KNDC1: variants seen among roughly 807,000 people sequenced by gnomAD.
KNDC1 encodes the protein kinase non-catalytic C-lobe domain containing 1, also known as kinase non-catalytic C-lobe domain-containing protein 1.
In KNDC1, 106 loss-of-function variants were observed where a neutral mutation model predicts 172.8. The ratio of observed to expected loss-of-function variants is 0.61; its 90% CI spans 0.52 to 0.72. The LOEUF is 0.72. Ranked by LOEUF, KNDC1 falls within the 30% of genes least tolerant of loss-of-function variation. The probability of loss-of-function intolerance (pLI) is 0.00; values close to 1 mark genes in which losing one functional copy is unlikely to be tolerated. For missense variants in KNDC1, 2,325 were observed against 2,394.5 expected (o/e 0.97, Z 0.61); for synonymous variants, 1,083 against 1,062.2 (o/e 1.02, Z -0.38).
chr10:133,191,920 A>T (rs1564887280), intron 9 of KNDC1, among the ~76,000 whole-genome samples: 1 of 152,210 alleles, frequency 6.6e-6, no homozygotes, highest in Non-Finnish European at 1.5e-5. Context: ...GGCCTCAAAG[A>T]AAGTGAGCAG....
At chr10:133,186,725 C>A in intron 6 of KNDC1, 51 bp downstream of exon 6, 3 of 1,347,202 alleles carry the variant, frequency 2.2e-6, no homozygotes, top group Non-Finnish European at 3.0e-6. Flanking sequence ...GTCAGTGAGT[C>A]CGGGGCCGGG....
In KNDC1 at chr10:133,179,621, G is replaced by A. The variant is rs191884960; in HGVS notation, c.361-3723G>A. Among the ~76,000 whole-genome samples the A allele has an allele frequency of 1.1e-4, 16 of 152,284 alleles. No individual in the cohort carries two copies. The East Asian group carries it at 3.1e-3, about 30-fold the overall frequency. On this transcript the variant is annotated intron_variant, in intron 3 of 29. Transcript: ENST00000304613. ...ACTGAAAACCACTTGGCTTGACCGCGTTTGCTCAGGAATCGCATCTCGTGG... is the reference window on the plus strand; with the variant it reads ...ACTGAAAACCACTTGGCTTGACCGCATTTGCTCAGGAATCGCATCTCGTGG...
At position 133,192,110 on chromosome 10, in the gene KNDC1, A is replaced by G. The variant is rs1589755009; in HGVS notation, c.1575+2297A>G. Among the ~76,000 whole-genome samples the G allele has an allele frequency of 2.0e-5, 3 of 152,376 alleles. No individual in the cohort carries two copies. The South Asian group carries it at 6.2e-4, about 32-fold the overall frequency. On this transcript the variant is annotated intron_variant, in intron 9 of 29. Transcript: ENST00000304613. ...AATCCGCAGAGTCAATGCTATTGTTATCAAACTACCAATGTCATTTTTCAC... is the reference window on the plus strand; with the variant it reads ...AATCCGCAGAGTCAATGCTATTGTTGTCAAACTACCAATGTCATTTTTCAC...
At position 133,200,432 on chromosome 10, in the gene KNDC1, C is replaced by T; in HGVS notation, c.2961C>T (p.Ser987=). 1 of 1,595,018 alleles carries T rather than the reference C, an allele frequency of 6.3e-7. No individual in the cohort carries two copies. Among genetic ancestry groups the T allele is most frequent in the Non-Finnish European group, 8.5e-7 (1 of 1,171,994 alleles). The change falls in exon 16 of 30, where the codon TCC becomes TCT. Residue 987 remains serine, a synonymous_variant. Coordinates refer to ENST00000304613, the MANE Select transcript of KNDC1 (RefSeq NM_152643.8). ...GCAGCCAAAGCCCCCGCTCCCCGTC[C>T]AGCAAGAGGCCGTCGCTGCACCGCC... ...LEGSQSPRSP[S]SKRPSLHRLG... is the part of the protein sequence containing the mutation.
At chr10:133,201,107 G>T (rs900254867) in intron 16 of KNDC1, among the ~76,000 whole-genome samples, 2 of 152,232 alleles carry the variant, frequency 1.3e-5, no homozygotes, top group East Asian at 1.9e-4. Context: ...GGAAGCTCCC[G>T]CAGGGACAGA....
At chr10:133,184,404 G>A (rs61860631) in intron 5 of KNDC1, among the ~76,000 whole-genome samples, 2 of 103,000 alleles carry the variant, frequency 1.9e-5, no homozygotes, top group Non-Finnish European at 4.2e-5. Flanking sequence ...ACGCACACAC[G>A]CACACACCCA....
chr10:133,189,068 G>A (rs961035767), intron 7 of KNDC1, among the ~76,000 whole-genome samples: 3 of 152,186 alleles, frequency 2.0e-5, no homozygotes, highest in Non-Finnish European at 4.4e-5. Context: ...CTTTGGAGTG[G>A]GGAGGGAATC....
chr10:133,209,963 A>G lies in KNDC1; in HGVS notation c.3795-648A>G, dbSNP rs1845323142. Among the ~76,000 whole-genome samples the G allele has an allele frequency of 6.6e-6, 1 of 152,086 alleles. No homozygotes were observed. Among genetic ancestry groups the G allele is most frequent in the South Asian group, 2.1e-4 (1 of 4,826 alleles). On this transcript the variant is annotated intron_variant, in intron 20 of 29. Coordinates refer to ENST00000304613, the MANE Select transcript of KNDC1 (RefSeq NM_152643.8). The surrounding 1 kb of genome is among the most constrained non-coding windows in gnomAD (Gnocchi z 4.9). ...GAGGGTGGCGCGGTTTCACCCAGTG[A>G]AGACCCAGAACCTTTGAGCGTGCAG... is the stretch of plus-strand genomic sequence containing the variant.
intron 3 of KNDC1, among the ~76,000 whole-genome samples, chr10:133,172,030 CAAAG>C (rs1853391801): frequency 1.3e-5 from 2 of 152,192 alleles, no homozygotes; most frequent in South Asian, 4.1e-4. Context: ...CAATCACTGA[CAAAG>C]AAACAAGTGT....
At chr10:133,200,702 G>A (rs1000411933) in intron 16 of KNDC1, among the ~76,000 whole-genome samples, 8 of 152,108 alleles carry the variant, frequency 5.3e-5, no homozygotes, top group African/African-American at 1.7e-4. Context: ...CCAGCCAAAG[G>A]CCGTCCTCTT....
intron 26 of KNDC1, among the ~76,000 whole-genome samples, chr10:133,217,996 GCTGCACCGAGCCGAGATCGCGCCA>G (rs1845502528): frequency 6.6e-6 from 1 of 151,382 alleles, no homozygotes; most frequent in Non-Finnish European, 1.5e-5. Context: ...GGAGGTGGAG[GCTGCACCGAGCCGAGATCGCGCCA>G]CTGCACTCCA....
chr10:133,186,274 C>T lies in KNDC1; in HGVS notation c.926C>T (p.Pro309Leu). Residue 309 changes from proline (P) to leucine (L), a missense_variant, in exon 6 of 30, where the codon CCT becomes CTT. Pro to Leu is a moderately conservative substitution (Grantham distance 98). Coordinates refer to ENST00000304613, the MANE Select transcript of KNDC1 (RefSeq NM_152643.8). Reference sequence around the variant, plus strand: ...CGCCTGCGGAAGGTGCAGACGTTCCCTAGGCTGCTGTCCGACAGCCCCGAG... The same window carrying T: ...CGCCTGCGGAAGGTGCAGACGTTCCTTAGGCTGCTGTCCGACAGCCCCGAG... ...RSRLRKVQTF[P>L]RLLSDSPEAT... 6.2e-7 allele frequency: 1 copy of T among 1,609,742 alleles called. No homozygotes were observed. The highest frequency in any genetic ancestry group is 8.5e-7 in the Non-Finnish European group (1 of 1,178,762).
At chr10:133,219,874 G>T (rs1171823432) in intron 28 of KNDC1, 81 bp from the exon 29 acceptor site, 1 of 1,390,746 alleles carries the variant, frequency 7.2e-7, no homozygotes, top group Non-Finnish European at 9.6e-7. Flanking sequence ...GGGACTGGTT[G>T]GGCTGCGCTG....
chr10:133,197,598 G>A, intron 11 of KNDC1, 77 bp from the exon 12 acceptor site: 1 of 1,103,492 alleles, frequency 9.1e-7, no homozygotes. Context: ...GCGGGTGGTG[G>A]GGGACGCCCT....
chr10:133,198,210 G>A, intron 12 of KNDC1, 127 bp from the exon 13 acceptor site: 1 of 1,141,504 alleles, frequency 8.8e-7, no homozygotes, highest in Non-Finnish European at 1.2e-6. Context: ...GAAGCCCCCA[G>A]GGCCATGCGG....
intron 3 of KNDC1, among the ~76,000 whole-genome samples, chr10:133,177,021 T>G (rs2135961317): frequency 6.6e-6 from 1 of 152,324 alleles, no homozygotes; most frequent in African/African-American, 2.4e-5. Context: ...CTGCCCTGCA[T>G]GGCAGCTGAC....
intron 26 of KNDC1, among the ~76,000 whole-genome samples, chr10:133,214,523 C>T (rs1445800041): frequency 1.3e-5 from 2 of 152,208 alleles, no homozygotes; most frequent in African/African-American, 4.8e-5. Flanking sequence ...TCACCACACA[C>T]AGAGTCCCTC....
At chr10:133,175,909 G>A (rs1591228381) in intron 3 of KNDC1, among the ~76,000 whole-genome samples, 1 of 150,534 alleles carries the variant, frequency 6.6e-6, no homozygotes, top group Non-Finnish European at 1.5e-5. Flanking sequence ...TGGATGGATG[G>A]ATGGATGGGT....
At chr10:133,185,463 G>T in intron 5 of KNDC1, among the ~76,000 whole-genome samples, 1 of 146,586 alleles carries the variant, frequency 6.8e-6, no homozygotes, top group Admixed American at 6.7e-5. Context: ...TGTGTGCAGT[G>T]TAGAGTAGGC....
Sources: gnomAD v4.1 joint callset for allele counts (sites outside exome capture counted in the v4.1 genomes callset) on GRCh38, gnomAD v4.1.1 for gene constraint, Gnocchi (gnomAD v3.1) non-coding constraint, MANE v1.5 for transcripts, NCBI Gene and HGNC (gene_info 2026-07-23, HGNC 2026-07-21) for gene names.